The following FIG4 variants were observed in gnomAD, a reference collection of about 807,000 sequenced individuals.
FIG4 encodes polyphosphoinositide phosphatase.
In FIG4, 112 loss-of-function variants were observed where a neutral mutation model predicts 118.6. The observed-to-expected ratio is 0.94, with a 90% CI of 0.81 to 1.11. The LOEUF is 1.11. Among genes scored for constraint, FIG4 ranks in the 50% least tolerant of loss-of-function variants. The pLI is 0.00. For missense variants in FIG4, 969 were observed against 1,111.7 expected (o/e 0.87, Z 1.83); for synonymous variants, 369 against 381.2 (o/e 0.97, Z 0.37).
intron 1 of FIG4, among the ~76,000 whole-genome samples, chr6:109,698,120 C>A (rs544643393): frequency 9.9e-5 from 15 of 151,912 alleles, no homozygotes; most frequent in Non-Finnish European, 1.6e-4. Flanking sequence ...GAACTTCTGA[C>A]CTTGTGATCC....
chr6:109,795,538 T>C (rs1448298145), intron 21 of FIG4, among the ~76,000 whole-genome samples: 1 of 149,494 alleles, frequency 6.7e-6, no homozygotes, highest in Non-Finnish European at 1.5e-5. Flanking sequence ...GAAAATACTT[T>C]TAAGTAGTTA....
rs1290598433 is a variant in FIG4 at position 109,796,775 on chromosome 6, C to T, written c.2470C>T (p.Leu824=). 5 of 1,606,746 alleles carry T rather than the reference C, an allele frequency of 3.1e-6. No individual in the cohort carries two copies. Among genetic ancestry groups the T allele is most frequent in the East Asian group, 4.5e-5 (2 of 44,850 alleles). The change falls in exon 22 of 23, where the codon CTG becomes TTG. Residue 824 remains leucine, a synonymous_variant. Coordinates refer to ENST00000230124, the MANE Select transcript of FIG4 (RefSeq NM_014845.6). ...CATTGTAATTTGTAGATTTGTTCAG[C>T]TGGGGCAGAGTCAACATAAACAAGA... The part of the protein sequence containing the change: ...DFSIYSRFVQ[L]GQSQHKQDKN...
rs559431640 is a variant in FIG4 at position 109,743,609 on chromosome 6, C to T, written c.1040-66C>T. ...ATTGCATTTCTTTAAAAAAACAACC[C>T]TATGCTTCTTTTATTTTGCTTTGCA... On this transcript the variant is annotated intron_variant, in intron 9 of 22. Coordinates refer to ENST00000230124, the MANE Select transcript of FIG4 (RefSeq NM_014845.6). 7 of 1,229,926 alleles carry T rather than the reference C, an allele frequency of 5.7e-6. No homozygotes were observed. In the African/African-American group the frequency reaches 1.0e-4, roughly 18 times the overall value. The allele number at this position is 1,229,926 out of a possible 1,614,324, so 76.2% of individuals were successfully genotyped here.
intron 1 of FIG4, among the ~76,000 whole-genome samples, chr6:109,693,413 GTCTCTCA>G (rs1374653845): frequency 2.0e-5 from 3 of 152,142 alleles, no homozygotes; most frequent in Non-Finnish European, 2.9e-5. Context: ...GCAAACAGTA[GTCTCTCA>G]ATAGATGTGG....
At chr6:109,754,806 T>C in intron 10 of FIG4, among the ~76,000 whole-genome samples, 1 of 152,246 alleles carries the variant, frequency 6.6e-6, no homozygotes, top group East Asian at 1.9e-4. Flanking sequence ...TCGTTTTTTA[T>C]TGCATCTATT....
At chr6:109,793,010 T>A (rs1009446609) in intron 21 of FIG4, among the ~76,000 whole-genome samples, 2 of 152,066 alleles carry the variant, frequency 1.3e-5, no homozygotes, top group African/African-American at 4.8e-5. Flanking sequence ...TTTTAAGAAA[T>A]GAAAATAGTC....
chr6:109,751,799 CTCTCT>C (rs967289533), intron 10 of FIG4, among the ~76,000 whole-genome samples: 2 of 54,674 alleles, frequency 3.7e-5, no homozygotes, highest in African/African-American at 2.2e-4. Context: ...TTTGATTCTT[CTCTCT>C]TTTTTTCTTT....
intron 1 of FIG4, among the ~76,000 whole-genome samples, chr6:109,695,223 C>T (rs1177868232): frequency 6.6e-6 from 1 of 152,150 alleles, no homozygotes; most frequent in Non-Finnish European, 1.5e-5. Flanking sequence ...CCACAAAGAA[C>T]CGAGGGTCCT....
In FIG4 at chr6:109,691,411, T is replaced by G. The variant is rs974206216; in HGVS notation, c.-25T>G. ...GGCGGTCCGGAGGCTCGTGCCCTGT[T>G]GTGGGGCCCCCATTTGCCGCCGCCA... On this transcript the variant is annotated 5_prime_UTR_variant, in exon 1 of 23. Coordinates refer to ENST00000230124, the MANE Select transcript of FIG4 (RefSeq NM_014845.6). 1.3e-6 allele frequency: 2 copies of G among 1,563,350 alleles called. No homozygotes were observed. Among genetic ancestry groups the G allele is most frequent in the African/African-American group, 2.7e-5 (2 of 73,630 alleles).
chr6:109,743,141 A>C lies in FIG4; in HGVS notation c.908A>C (p.Gln303Pro), dbSNP rs774775255. 6.2e-7 allele frequency: 1 copy of C among 1,613,084 alleles called. No homozygotes were observed. Among genetic ancestry groups the C allele is most frequent in the South Asian group, 1.1e-5 (1 of 91,074 alleles). The change falls in exon 9 of 23, where the codon CAA becomes CCA. Residue 303 changes from glutamine to proline, a missense_variant. Transcript: ENST00000230124. ...GDVANEVETEQILCDASVMSF... is the reference protein window; with the variant it reads ...GDVANEVETEPILCDASVMSF... ...GTTGCAAATGAAGTGGAGACTGAACAAATACTCTGCGATGCTTCTGTGATG... is the reference window on the plus strand; with the variant it reads ...GTTGCAAATGAAGTGGAGACTGAACCAATACTCTGCGATGCTTCTGTGATG...
chr6:109,767,234 G>C (rs760403396), intron 15 of FIG4, among the ~76,000 whole-genome samples: 6 of 151,956 alleles, frequency 3.9e-5, no homozygotes, highest in Non-Finnish European at 8.8e-5. Flanking sequence ...TTTTAAATAG[G>C]GTTCAAAGTC....
intron 1 of FIG4, among the ~76,000 whole-genome samples, chr6:109,705,526 A>G (rs1318152953): frequency 2.0e-5 from 3 of 151,996 alleles, no homozygotes; most frequent in African/African-American, 4.8e-5. Context: ...CTTTCCCTCC[A>G]CTCTGATCTA....
intron 10 of FIG4, among the ~76,000 whole-genome samples, chr6:109,743,987 G>A (rs890024545): frequency 2.0e-5 from 3 of 152,040 alleles, no homozygotes; most frequent in Non-Finnish European, 4.4e-5. Flanking sequence ...AAAATGAGTA[G>A]TATATATCTA....
intron 22 of FIG4, among the ~76,000 whole-genome samples, chr6:109,816,849 C>T (rs978193586): frequency 1.3e-5 from 2 of 152,192 alleles, no homozygotes; most frequent in Admixed American, 6.5e-5. Context: ...ACTATCAGAA[C>T]GCACATGAAG....
intron 12 of FIG4, among the ~76,000 whole-genome samples, chr6:109,762,513 CA>C (rs964450005): frequency 2.0e-5 from 3 of 151,134 alleles, no homozygotes; most frequent in Admixed American, 6.6e-5. Flanking sequence ...TAGAAACAGA[CA>C]TTTTTTTCTT....
chr6:109,723,631 A>G (rs144562823), intron 3 of FIG4, among the ~76,000 whole-genome samples: 70 of 152,246 alleles, frequency 4.6e-4, no homozygotes, highest in Middle Eastern at 3.4e-3. Context: ...ATGGCTTCCA[A>G]TGCTGCATGA....
intron 1 of FIG4, among the ~76,000 whole-genome samples, chr6:109,697,717 C>T (rs2128377641): frequency 6.6e-6 from 1 of 152,276 alleles, no homozygotes; most frequent in Admixed American, 6.5e-5. Flanking sequence ...AGACAAGAAT[C>T]ATTAAGAGTT....
rs192820998 is a variant in FIG4 at position 109,798,553 on chromosome 6, T to C, written c.2546+1702T>C. Among the ~76,000 whole-genome samples the C allele has an allele frequency of 3.9e-5, 6 of 152,192 alleles. No homozygotes were observed. In the East Asian group the frequency reaches 9.7e-4, roughly 25 times the overall value. The stretch of plus-strand genomic sequence containing the variant: ...AGAGAACCTGGGCTGGGGATGTAAA[T>C]GCTCATGAGTAATAATGAAAGTCAA... On this transcript the variant is annotated intron_variant, in intron 22 of 22. Coordinates refer to ENST00000230124, the MANE Select transcript of FIG4 (RefSeq NM_014845.6).
chr6:109,785,199 T>C (rs1218010588), intron 17 of FIG4, among the ~76,000 whole-genome samples, 171 bp downstream of exon 17: 1 of 152,210 alleles, frequency 6.6e-6, no homozygotes, highest in East Asian at 1.9e-4. Context: ...ATCTCTTAGC[T>C]TTTTAAAGGG....
Sources: allele counts gnomAD v4.1 joint callset (sites outside exome capture counted in the v4.1 genomes callset), GRCh38; gene constraint gnomAD v4.1.1; transcripts MANE v1.5; gene names NCBI Gene and HGNC (gene_info 2026-07-23, HGNC 2026-07-21).